Variants in CLUH observed in about 807,000 individuals in gnomAD.
CLUH encodes the protein clustered mitochondria protein homolog.
Under a neutral mutation model 139.3 loss-of-function variants are expected in CLUH, and 77 were observed. The observed-to-expected ratio is 0.55, with a 90% CI of 0.46 to 0.67. CLUH has a LOEUF of 0.67. Among genes scored for constraint, CLUH ranks in the 30% least tolerant of loss-of-function variants. CLUH has a pLI of 0.00. For missense variants in CLUH, 1,876 were observed against 1,875.8 expected (o/e 1.00, Z 0.00); for synonymous variants, 999 against 801.6 (o/e 1.25, Z -4.16).
Position 2,698,306 on chromosome 17 carries a change from G to A in CLUH, c.1551C>T (p.Gly517=), listed in dbSNP as rs34300011. Residue 517 remains glycine (G), a synonymous_variant, in exon 10 of 26, where the codon GGC becomes GGT. Transcript: ENST00000651024. ...TGATGGACTGGGCCGTGACCCGGTAGCCGCGGTAATCCACCACCACCGTGC... is the reference window on the plus strand; with the variant it reads ...TGATGGACTGGGCCGTGACCCGGTAACCGCGGTAATCCACCACCACCGTGC... The part of the protein sequence containing the change: ...TLGTVVVDYR[G]YRVTAQSIIP... 6 of 1,612,646 alleles carry A rather than the reference G, an allele frequency of 3.7e-6. No homozygotes were observed. Among genetic ancestry groups the A allele is most frequent in the Non-Finnish European group, 5.1e-6 (6 of 1,179,632 alleles).
chr17:2,697,880 C>G lies in CLUH; in HGVS notation c.1961+16G>C, dbSNP rs1290876271. ...GCAGCTGGCCCCGGCCCTGGTCCGG[C>G]AGGGCCGCCCCTCACCTGTGCTCCA... On this transcript the variant is annotated intron_variant, in intron 10 of 25. Transcript: ENST00000651024. The G allele has an allele frequency of 2.1e-6, 3 of 1,461,840 alleles. No homozygotes were observed. The African/African-American group carries it at 4.2e-5, about 21-fold the overall frequency. 90.6% of individuals were successfully genotyped at this position (1,461,840 alleles called of 1,614,324 possible).
At chr17:2,698,907 C>T (rs561662361) in intron 9 of CLUH, among the ~76,000 whole-genome samples, 16 of 152,170 alleles carry the variant, frequency 1.1e-4, no homozygotes, top group African/African-American at 2.4e-4. Context: ...ATCAGCCAGG[C>T]GAGGTGGCGC....
chr17:2,701,297 C>A, intron 6 of CLUH, 32 bp from the exon 7 acceptor site: 1 of 1,607,696 alleles, frequency 6.2e-7, no homozygotes. Flanking sequence ...TGAGCGGGGG[C>A]CCAGGTGTCT....
chr17:2,692,334 T>G (rs1418987974), intron 22 of CLUH, 27 bp downstream of exon 22: 6 of 1,527,872 alleles, frequency 3.9e-6, no homozygotes, highest in South Asian at 2.4e-5. Flanking sequence ...TCCGCCGGCC[T>G]TGGCGTTTGG....
At position 2,703,659 on chromosome 17, in the gene CLUH, G is replaced by A. The variant is rs1057297799; in HGVS notation, c.304-170C>T. 6.6e-5 allele frequency among the ~76,000 whole-genome samples: 10 copies of A among 152,084 alleles called. No individual in the cohort carries two copies. The highest frequency in any genetic ancestry group is 3.9e-4 in the Admixed American group (6 of 15,272). ...TAAATGCCCCAAATACTCGAATATC[G>A]GCTATCCCACTTTCTGGCTTTTAAA... On this transcript the variant is annotated intron_variant, in intron 2 of 25. Transcript: ENST00000651024. The surrounding 1 kb of genome is among the most constrained non-coding windows in gnomAD (Gnocchi z 4.2).
At position 2,701,653 on chromosome 17, in the gene CLUH, C is replaced by G; in HGVS notation, c.704G>C (p.Arg235Pro). The G allele has an allele frequency of 6.2e-7, 1 of 1,603,130 alleles. No homozygotes were observed. The highest frequency in any genetic ancestry group is 8.5e-7 in the Non-Finnish European group (1 of 1,174,734). The change falls in exon 5 of 26, where the codon CGG (arginine) becomes CCG (proline). Residue 235 changes from arginine (R) to proline (P), a missense_variant. Physicochemically the swap from Arg to Pro is moderately radical, Grantham distance 103. Transcript: ENST00000651024. The part of the protein sequence containing the change: ...PEYILPGSRE[R>P]PLCPLQPQNR... ...TTGGGGCTGCAGGGGACACAGTGGC[C>G]GCTCCCGGCTCCCTGGCAGGATGTA...
Position 2,696,639 on chromosome 17 carries a change from A to G in CLUH, c.2185+80T>C, listed in dbSNP as rs566806524. 1.3e-4 allele frequency: 199 copies of G among 1,561,186 alleles called. 2 individuals are homozygous for G. The South Asian group carries it at 2.2e-3, about 17-fold the overall frequency. Reference sequence around the variant, plus strand: ...CTAGCTCCTTGCAGAGATGTCTGCCAGCCTCTCCCAGGTGGGGGTCATAAG... The same window carrying G: ...CTAGCTCCTTGCAGAGATGTCTGCCGGCCTCTCCCAGGTGGGGGTCATAAG... On this transcript the variant is annotated intron_variant, in intron 11 of 25. Transcript: ENST00000651024.
In CLUH at chr17:2,690,751, G is replaced by A. The variant is rs1287267400; in HGVS notation, c.3890C>T (p.Ala1297Val). 1 of 1,530,838 alleles carries A rather than the reference G, an allele frequency of 6.5e-7. No homozygotes were observed. Among genetic ancestry groups the A allele is most frequent in the Admixed American group, 2.3e-5 (1 of 43,760 alleles). The allele number at this position is 1,530,838 out of a possible 1,614,324, so 94.8% of individuals were successfully genotyped here. ...GAGCTGGTGCCGCCGCGCCACCTCGGCTTTCAGATTCTCCAGGTCTTTTTG... is the reference window on the plus strand; with the variant it reads ...GAGCTGGTGCCGCCGCGCCACCTCGACTTTCAGATTCTCCAGGTCTTTTTG... ...LSQKDLENLK[A>V]EVARRHQLQE... is the part of the protein sequence containing the mutation. The change falls in exon 26 of 26, where the codon GCC becomes GTC. Residue 1297 changes from alanine to valine, a missense_variant. Physicochemically the swap from Ala to Val is moderately conservative, Grantham distance 64 (BLOSUM62 0). Transcript: ENST00000651024.
At chr17:2,693,127 T>A (rs1324964666) in intron 19 of CLUH, among the ~76,000 whole-genome samples, 1 of 27,942 alleles carries the variant, frequency 3.6e-5, no homozygotes. Flanking sequence ...AACCTAAAAC[T>A]ACTAAAAATG....
chr17:2,698,399 C>A lies in CLUH; in HGVS notation c.1458G>T (p.Ala486=). 1 of 1,613,216 alleles carries A rather than the reference C, an allele frequency of 6.2e-7. No homozygotes were observed. The highest frequency in any genetic ancestry group is 8.5e-7 in the Non-Finnish European group (1 of 1,179,738). Reference sequence around the variant, plus strand: ...GGACGCCATTCAGGTCGTTGGTGGGCGCCACGTAGGCCGCCACGTCCCCCC... The same window carrying A: ...GGACGCCATTCAGGTCGTTGGTGGGAGCCACGTAGGCCGCCACGTCCCCCC... ...DFGGDVAAYV[A]PTNDLNGVRT... The change falls in exon 10 of 26, where the codon GCG becomes GCT. Residue 486 remains alanine (A), a synonymous_variant. Coordinates refer to ENST00000651024, the MANE Select transcript of CLUH (RefSeq NM_001366661.1).
rs1445810119 is a variant in CLUH at position 2,706,135 on chromosome 17, A to G, written c.101-1571T>C. 6.6e-6 allele frequency among the ~76,000 whole-genome samples: 1 copy of G among 152,026 alleles called. No individual in the cohort carries two copies. The highest frequency in any genetic ancestry group is 1.5e-5 in the Non-Finnish European group (1 of 68,000). On this transcript the variant is annotated intron_variant, in intron 1 of 25. Transcript: ENST00000651024. The surrounding 1 kb of genome is among the most constrained non-coding windows in gnomAD (Gnocchi z 4.6). ...TCCCCTTCCCCACCCGGCTCTCAGG[A>G]GCGGGGACAGGTGCCTTTCCCAGAA... is the stretch of plus-strand genomic sequence containing the variant.
In CLUH at chr17:2,695,246, GC is replaced by G; in HGVS notation, c.2578del (p.Ala860ProfsTer25). ...TAAGTACGTCTTGAAGATGTGCTTG[GC>G]CGAGCGGGTGATGAGTTCTCCAATG... Reference protein sequence around the residue: ...IGIGELITRSAKHIFKTYLQG... With the variant: ...IGIGELITRSXKHIFKTYLQG... On this transcript the variant is annotated frameshift_variant, in exon 15 of 26. Transcript: ENST00000651024. LOFTEE classifies it high-confidence loss of function. 1.2e-6 allele frequency: 2 copies of G among 1,613,908 alleles called. No individual in the cohort carries two copies. Among genetic ancestry groups the G allele is most frequent in the Non-Finnish European group, 1.7e-6 (2 of 1,179,858 alleles).
In CLUH at chr17:2,691,978, G is replaced by GCCCCGCCCCGCCCCGC. The variant is rs1555529512; in HGVS notation, c.3654+25_3654+26insGCGGGGCGGGGCGGGG. On this transcript the variant is annotated intron_variant, in intron 23 of 25. Transcript: ENST00000651024. ...CCCGCCACGCCCCCGCCCCGCCCCC[G>GCCCCGCCCCGCCCCGC]CCCCCGCCACGCCCCCGCCGCGCAC... 19 of 489,720 alleles carry GCCCCGCCCCGCCCCGC rather than the reference G, an allele frequency of 3.9e-5. No individual in the cohort carries two copies. In the South Asian group the frequency reaches 1.2e-3, roughly 30 times the overall value. The allele number at this position is 489,720 out of a possible 1,614,324, so 30.3% of individuals were successfully genotyped here.
At chr17:2,702,550 G>T (rs925880896) in intron 3 of CLUH, among the ~76,000 whole-genome samples, 2 of 152,210 alleles carry the variant, frequency 1.3e-5, no homozygotes, top group Non-Finnish European at 2.9e-5. Flanking sequence ...GAGGTTCCGT[G>T]ATCAACTGTG....
Position 2,704,638 on chromosome 17 carries a change from G to T in CLUH, c.101-74C>A, listed in dbSNP as rs1597624245. On this transcript the variant is annotated intron_variant, in intron 1 of 25. Transcript: ENST00000651024. The surrounding 1 kb of genome is among the most constrained non-coding windows in gnomAD (Gnocchi z 5.7). ...GGGGCTGTCCGCCTGACCCCACACG[G>T]GGACACGTGCCTTCTGGAAAGGCAT... is the stretch of plus-strand genomic sequence containing the variant. 1 of 1,387,238 alleles carries T rather than the reference G, an allele frequency of 7.2e-7. No individual in the cohort carries two copies. Among genetic ancestry groups the T allele is most frequent in the Non-Finnish European group, 9.7e-7 (1 of 1,034,050 alleles). 85.9% of individuals were successfully genotyped at this position (1,387,238 alleles called of 1,614,324 possible).
At position 2,711,733 on chromosome 17, in the gene CLUH, G is replaced by T. The variant is rs1453772472; in HGVS notation, c.-72C>A. ...CGCCACTAACCCAAGTGCCCTGCGC[G>T]CCGCGGCTGCTGAGGGAAGGACGGA... On this transcript the variant is annotated 5_prime_UTR_variant, in exon 1 of 26. Coordinates refer to ENST00000651024, the MANE Select transcript of CLUH (RefSeq NM_001366661.1). 2 of 626,318 alleles carry T rather than the reference G, an allele frequency of 3.2e-6. No individual in the cohort carries two copies. Among genetic ancestry groups the T allele is most frequent in the Non-Finnish European group, 2.0e-6 (1 of 502,134 alleles). The allele number at this position is 626,318 out of a possible 1,614,324, so 38.8% of individuals were successfully genotyped here. A position where few individuals can be genotyped will look rare whatever the true frequency, so the allele number is the denominator to read the frequency against.
chr17:2,694,538 G>C lies in CLUH; in HGVS notation c.2879C>G (p.Thr960Ser), dbSNP rs758747236. The C allele has an allele frequency of 6.3e-7, 1 of 1,581,788 alleles. No homozygotes were observed. The highest frequency in any genetic ancestry group is 8.6e-7 in the Non-Finnish European group (1 of 1,164,518). Residue 960 changes from threonine to serine, a missense_variant, in exon 17 of 26, where the codon ACC becomes AGC. Coordinates refer to ENST00000651024, the MANE Select transcript of CLUH (RefSeq NM_001366661.1). ...GAGCGTTATCTTCTGCAGGCCGTAG[G>C]TCTCCACAGCCTGGTCCACGGTCTC... ...ECETVDQAVE[T>S]YGLQKITLLR...
In CLUH at chr17:2,692,781, T is replaced by A. The variant is rs768361755; in HGVS notation, c.3311A>T (p.Tyr1104Phe). 6.2e-7 allele frequency: 1 copy of A among 1,601,716 alleles called. No individual in the cohort carries two copies. Among genetic ancestry groups the A allele is most frequent in the Non-Finnish European group, 8.5e-7 (1 of 1,171,834 alleles). ...GTEHPNTIQE[Y>F]MHLALYCFAS... ...GCGCGGGCGGCACTCGCGACTCACG[T>A]ATTCCTGGATGGTGTTGGGGTGCTC... Residue 1104 changes from tyrosine to phenylalanine, a missense_variant and splice_region_variant, in exon 20 of 26, where the codon TAC becomes TTC. Tyr to Phe is a conservative substitution (Grantham distance 22, BLOSUM62 3). Coordinates refer to ENST00000651024, the MANE Select transcript of CLUH (RefSeq NM_001366661.1).
At position 2,707,642 on chromosome 17, in the gene CLUH, C is replaced by G. The variant is rs2070386622; in HGVS notation, c.101-3078G>C. 1 of 985,264 alleles carries G rather than the reference C, an allele frequency of 1.0e-6. No homozygotes were observed. The highest frequency in any genetic ancestry group is 1.2e-6 in the Non-Finnish European group (1 of 829,890). The allele number at this position is 985,264 out of a possible 1,614,324, so 61.0% of individuals were successfully genotyped here. A position where few individuals can be genotyped will look rare whatever the true frequency, so the allele number is the denominator to read the frequency against. ...ACTGGCTGGCAGGGGCAGGGCCCAG[C>G]AAGGGGGTCCTCTCCTCCGCTCCCA... On this transcript the variant is annotated intron_variant, in intron 1 of 25. Coordinates refer to ENST00000651024, the MANE Select transcript of CLUH (RefSeq NM_001366661.1). The surrounding 1 kb of genome is among the most constrained non-coding windows in gnomAD (Gnocchi z 7.4).
Sources: gnomAD v4.1 joint callset for allele counts (sites outside exome capture counted in the v4.1 genomes callset) on GRCh38, gnomAD v4.1.1 for gene constraint, Gnocchi (gnomAD v3.1) non-coding constraint, MANE v1.5 for transcripts, NCBI Gene and HGNC (gene_info 2026-07-23, HGNC 2026-07-21) for gene names.